CENPP: variants seen among roughly 807,000 people sequenced by gnomAD.
The protein encoded by CENPP is centromere protein P.
A neutral mutation model predicts 35.6 loss-of-function variants in CENPP; 24 were observed. The ratio of observed to expected loss-of-function variants is 0.67; its 90% CI spans 0.49 to 0.95. The LOEUF is 0.95. CENPP is among the 40% of genes least tolerant of loss of function. The probability of loss-of-function intolerance (pLI) is 0.00; values close to 1 mark genes in which losing one functional copy is unlikely to be tolerated. For synonymous variants in CENPP, 120 were observed against 125.5 expected (o/e 0.96, Z 0.29); for missense variants, 332 against 345.3 (o/e 0.96, Z 0.31).
At chr9:92,551,936 TA>T (rs2131327551) in intron 5 of CENPP, among the ~76,000 whole-genome samples, 2 of 97,822 alleles carry the variant, frequency 2.0e-5, no homozygotes, top group East Asian at 2.1e-4. Flanking sequence ...TATATATATA[TA>T]TATATATATA....
chr9:92,619,842 G>A lies in CENPP; in HGVS notation c.*6693G>A, dbSNP rs1222555442. On this transcript the variant is annotated 3_prime_UTR_variant, in exon 8 of 8. Coordinates refer to ENST00000375587, the MANE Select transcript of CENPP (RefSeq NM_001012267.3). ...GGACCCCGACTCCAGACCCTGAGAC[G>A]GATGATCTGTCTTCAGCAAGGTCAC... The A allele has an allele frequency of 4.2e-6, 2 of 481,820 alleles. No individual in the cohort carries two copies. The highest frequency in any genetic ancestry group is 2.5e-5 in the South Asian group (1 of 40,314). The allele number at this position is 481,820 out of a possible 1,614,324, so 29.8% of individuals were successfully genotyped here. A position where few individuals can be genotyped will look rare whatever the true frequency, so the allele number is the denominator to read the frequency against.
intron 5 of CENPP, among the ~76,000 whole-genome samples, chr9:92,409,956 A>G (rs1341395017): frequency 6.6e-6 from 1 of 152,110 alleles, no homozygotes; most frequent in Non-Finnish European, 1.5e-5. Flanking sequence ...GCTTGTTTTG[A>G]GACGGAGTCT....
At chr9:92,389,781 C>G in intron 5 of CENPP, 1 of 989,326 alleles carries the variant, frequency 1.0e-6, no homozygotes. Context: ...AAATACAATT[C>G]TAGACCAAAG....
chr9:92,415,394 G>C, intron 5 of CENPP: 2 of 1,613,496 alleles, frequency 1.2e-6, no homozygotes, highest in Non-Finnish European at 1.7e-6. Context: ...GGTTCTTTTA[G>C]TTTATTTTGG....
At chr9:92,457,173 T>C (rs368817815) in intron 5 of CENPP, 3 of 1,437,390 alleles carry the variant, frequency 2.1e-6, no homozygotes, top group East Asian at 2.5e-5. Flanking sequence ...ACTTACCACT[T>C]GAGAATAGAT....
chr9:92,512,467 A>G lies in CENPP; in HGVS notation c.565-98847A>G, dbSNP rs557019004. On this transcript the variant is annotated intron_variant, in intron 5 of 7. Transcript: ENST00000375587. ...ACAACAAAGGTGTGGAAGGTTACAC[A>G]GAAACTGATTTTTATTCTTCATATT... is the stretch of plus-strand genomic sequence containing the variant. Among the ~76,000 whole-genome samples the G allele has an allele frequency of 8.5e-5, 13 of 152,342 alleles. 1 individual carries two copies. Among genetic ancestry groups the G allele is most frequent in the Admixed American group, 6.5e-4 (10 of 15,296 alleles).
intron 5 of CENPP, among the ~76,000 whole-genome samples, chr9:92,452,355 A>G (rs1473608728): frequency 6.6e-6 from 1 of 152,150 alleles, no homozygotes. Flanking sequence ...TATTGAGATA[A>G]TCATGTGGTT....
chr9:92,447,933 A>G (rs1238164501), intron 5 of CENPP, among the ~76,000 whole-genome samples: 1 of 152,206 alleles, frequency 6.6e-6, no homozygotes, highest in Non-Finnish European at 1.5e-5. Flanking sequence ...TTTGCTTCTG[A>G]AAGGTTGCTA....
intron 5 of CENPP, among the ~76,000 whole-genome samples, chr9:92,501,318 T>C (rs1202911978): frequency 6.6e-6 from 1 of 152,154 alleles, no homozygotes. Flanking sequence ...GAAAAACTCA[T>C]ATCCCTAGAG....
At chr9:92,479,806 C>G (rs755879368) in intron 5 of CENPP, among the ~76,000 whole-genome samples, 17 of 152,336 alleles carry the variant, frequency 1.1e-4, no homozygotes, top group Non-Finnish European at 2.5e-4. Flanking sequence ...ATTATTTACA[C>G]TCTTTACCTG....
intron 5 of CENPP, among the ~76,000 whole-genome samples, chr9:92,543,385 T>A (rs1216667380): frequency 7.2e-6 from 1 of 139,492 alleles, no homozygotes; most frequent in Non-Finnish European, 1.5e-5. Flanking sequence ...AGGCAGAAGA[T>A]CACTTGAACC....
At chr9:92,339,456 A>C (rs1360264217) in intron 3 of CENPP, among the ~76,000 whole-genome samples, 3 of 152,162 alleles carry the variant, frequency 2.0e-5, no homozygotes, top group Non-Finnish European at 4.4e-5. Flanking sequence ...TGGCTCTGGC[A>C]GGCTGAGGAT....
intron 4 of CENPP, among the ~76,000 whole-genome samples, chr9:92,356,964 C>T (rs571759809): frequency 3.9e-4 from 59 of 152,274 alleles, no homozygotes; most frequent in Non-Finnish European, 6.8e-4. Context: ...ATATGTTGTG[C>T]ACCCCAAAAT....
intron 2 of CENPP, among the ~76,000 whole-genome samples, chr9:92,334,602 A>G (rs1011759202): frequency 6.6e-6 from 1 of 151,922 alleles, no homozygotes; most frequent in African/African-American, 2.4e-5. Flanking sequence ...AAATCAGGCC[A>G]GGTGCAGTGG....
intron 5 of CENPP, among the ~76,000 whole-genome samples, chr9:92,393,621 A>G (rs1236231475): frequency 6.6e-6 from 1 of 152,222 alleles, no homozygotes; most frequent in Non-Finnish European, 1.5e-5. Flanking sequence ...TTTAGTAACC[A>G]CTAGTTAAGT....
intron 1 of CENPP, among the ~76,000 whole-genome samples, chr9:92,329,559 G>A (rs1266532702): frequency 2.0e-5 from 3 of 151,676 alleles, no homozygotes; most frequent in Non-Finnish European, 4.4e-5. Context: ...TTTTGAGAGA[G>A]GGTCTCACTC....
chr9:92,399,342 C>A (rs761458525), intron 5 of CENPP, among the ~76,000 whole-genome samples: 1 of 152,062 alleles, frequency 6.6e-6, no homozygotes, highest in Non-Finnish European at 1.5e-5. Flanking sequence ...TCATTTAAAT[C>A]ATCTTGTGAA....
chr9:92,576,116 G>A (rs1232845249), intron 5 of CENPP, among the ~76,000 whole-genome samples: 1 of 152,084 alleles, frequency 6.6e-6, no homozygotes, highest in Non-Finnish European at 1.5e-5. Context: ...GTTCATCAAA[G>A]GATAAATAGA....
Position 92,619,475 on chromosome 9 carries a change from G to A in CENPP, c.*6326G>A, listed in dbSNP as rs1372903543. The A allele has an allele frequency of 6.3e-7, 1 of 1,576,480 alleles. No individual in the cohort carries two copies. The highest frequency in any genetic ancestry group is 8.6e-7 in the Non-Finnish European group (1 of 1,160,160). ...AGACCCAGGCTGCATGCCTTGCAGT[G>A]GGGGCCTCACCTGGCATCCTGCAGA... On this transcript the variant is annotated 3_prime_UTR_variant, in exon 8 of 8. Coordinates refer to ENST00000375587, the MANE Select transcript of CENPP (RefSeq NM_001012267.3).
Sources: gnomAD v4.1 joint callset for allele counts (sites outside exome capture counted in the v4.1 genomes callset) on GRCh38, gnomAD v4.1.1 for gene constraint, MANE v1.5 for transcripts, NCBI Gene and HGNC (gene_info 2026-07-23, HGNC 2026-07-21) for gene names.